Variants in NAPB observed in about 807,000 individuals in gnomAD.
NAPB encodes the protein beta-soluble NSF attachment protein.
A neutral mutation model predicts 44.7 loss-of-function variants in NAPB; 26 were observed. The ratio of observed to expected loss-of-function variants is 0.58; its 90% CI spans 0.43 to 0.81. The LOEUF (loss-of-function observed/expected upper bound fraction) is 0.81, where lower values mean the gene tolerates loss of function less well. Among genes scored for constraint, NAPB ranks in the 30% least tolerant of loss-of-function variants. NAPB has a pLI of 0.00. For missense variants in NAPB, 315 were observed against 356.4 expected (o/e 0.88, Z 0.94); for synonymous variants, 120 against 116.8 (o/e 1.03, Z -0.18).
chr20:23,409,090 T>C (rs1342089967), intron 1 of NAPB, among the ~76,000 whole-genome samples: 1 of 152,176 alleles, frequency 6.6e-6, no homozygotes, highest in African/African-American at 2.4e-5. Context: ...AACAGTATCA[T>C]TTATTTACCA....
At chr20:23,405,823 G>A (rs776507986) in intron 1 of NAPB, among the ~76,000 whole-genome samples, 4 of 152,196 alleles carry the variant, frequency 2.6e-5, no homozygotes, top group East Asian at 3.9e-4. Context: ...ATATTAATGC[G>A]CAATATGAGC....
chr20:23,409,401 A>C (rs1297291701), intron 1 of NAPB, among the ~76,000 whole-genome samples: 2 of 152,232 alleles, frequency 1.3e-5, no homozygotes, highest in East Asian at 1.9e-4. Context: ...AACTAGTTAG[A>C]CTTTATTTTG....
intron 1 of NAPB, among the ~76,000 whole-genome samples, chr20:23,418,781 CAAAAA>C (rs921452946): frequency 3.7e-4 from 45 of 120,506 alleles, no homozygotes; most frequent in Non-Finnish European, 6.9e-4. Flanking sequence ...ACTAAAAATA[CAAAAA>C]AAAAAAAAAA....
At chr20:23,394,812 C>T in intron 5 of NAPB, 110 bp downstream of exon 5, 1 of 1,081,676 alleles carries the variant, frequency 9.2e-7, no homozygotes, top group South Asian at 1.5e-5. Context: ...CAGGCAAGGC[C>T]ATCTATGACC....
intron 9 of NAPB, 92 bp downstream of exon 9, chr20:23,379,775 A>C (rs770455441): frequency 7.4e-5 from 70 of 944,570 alleles, no homozygotes; most frequent in Middle Eastern, 4.3e-4. Context: ...CAGACTTTAT[A>C]GATTAAAACT....
At chr20:23,419,691 G>A (rs980063330) in intron 1 of NAPB, among the ~76,000 whole-genome samples, 3 of 152,214 alleles carry the variant, frequency 2.0e-5, no homozygotes, top group African/African-American at 7.2e-5. Flanking sequence ...TGATGGTACT[G>A]TCATAACTTT....
intron 2 of NAPB, among the ~76,000 whole-genome samples, chr20:23,401,772 G>A (rs899299657): frequency 1.3e-5 from 2 of 152,114 alleles, no homozygotes; most frequent in East Asian, 1.9e-4. Flanking sequence ...TCCCAGCTAC[G>A]AGGGAGGCTG....
intron 7 of NAPB, among the ~76,000 whole-genome samples, chr20:23,384,060 T>C (rs888348818): frequency 5.9e-5 from 9 of 152,248 alleles, no homozygotes; most frequent in African/African-American, 2.2e-4. Flanking sequence ...AATCCACTTA[T>C]ATACGGATTT....
At chr20:23,412,522 A>T (rs1363250946) in intron 1 of NAPB, among the ~76,000 whole-genome samples, 3 of 152,252 alleles carry the variant, frequency 2.0e-5, no homozygotes, top group Non-Finnish European at 4.4e-5. Flanking sequence ...CCAAAAACAC[A>T]GTAGCCCCCT....
chr20:23,403,603 C>CAAAAAAAAAAAA (rs200464480), intron 1 of NAPB, among the ~76,000 whole-genome samples: 23 of 121,164 alleles, frequency 1.9e-4, no homozygotes, highest in African/African-American at 2.7e-4. Context: ...AACTATGTCT[C>CAAAAAAAAAAAA]AAAAAAAAAA....
rs760667024 is a variant in NAPB at position 23,421,278 on chromosome 20, C to T, written c.98+27G>A. ...GGCCAAGTACGGAGACCCCCCCCCC[C>T]CAGGGCACGCACGGTCTGGCGCTCA... is the stretch of plus-strand genomic sequence containing the variant. On this transcript the variant is annotated intron_variant, in intron 1 of 10. Transcript: ENST00000377026. The T allele has an allele frequency of 1.5e-5, 22 of 1,434,708 alleles. No individual in the cohort carries two copies. In the Admixed American group the frequency reaches 2.0e-4, roughly 13 times the overall value. The allele number at this position is 1,434,708 out of a possible 1,614,324, so 88.9% of individuals were successfully genotyped here. A position where few individuals can be genotyped will look rare whatever the true frequency, so the allele number is the denominator to read the frequency against.
At chr20:23,411,364 A>G (rs1985641541) in intron 1 of NAPB, among the ~76,000 whole-genome samples, 2 of 152,228 alleles carry the variant, frequency 1.3e-5, no homozygotes, top group Non-Finnish European at 2.9e-5. Context: ...TTCAACAGCA[A>G]TATACGGAGC....
chr20:23,418,644 A>G (rs1463672108), intron 1 of NAPB, among the ~76,000 whole-genome samples: 7 of 152,160 alleles, frequency 4.6e-5, no homozygotes, highest in Non-Finnish European at 8.8e-5. Context: ...TATTTCATTA[A>G]AAGATCAATG....
At chr20:23,407,931 T>C (rs953106122) in intron 1 of NAPB, among the ~76,000 whole-genome samples, 1 of 152,208 alleles carries the variant, frequency 6.6e-6, no homozygotes, top group Non-Finnish European at 1.5e-5. Flanking sequence ...TAGTCCGTAC[T>C]ATTTTAAAAC....
chr20:23,380,786 A>C, intron 8 of NAPB: 3 of 153,484 alleles, frequency 2.0e-5, no homozygotes, highest in Non-Finnish European at 4.4e-5. Flanking sequence ...TGGCCTCCCA[A>C]AATGCTGGGT....
chr20:23,377,438 T>G lies in NAPB; in HGVS notation c.835A>C (p.Met279Leu). The change falls in exon 11 of 11, where the codon ATG (methionine) becomes CTG (leucine). Residue 279 changes from methionine to leucine, a missense_variant. Physicochemically the swap from Met to Leu is conservative, Grantham distance 15. Coordinates refer to ENST00000377026, the MANE Select transcript of NAPB (RefSeq NM_022080.3). ...ATGGACTTTTTGATGCGAAGCAACA[T>G]GGTGGTCAGCCACTGATCCAAGCGA... ...ISRLDQWLTTMLLRIKKSIQG... is the reference protein window; with the variant it reads ...ISRLDQWLTTLLLRIKKSIQG... 1 of 1,608,220 alleles carries G rather than the reference T, an allele frequency of 6.2e-7. No individual in the cohort carries two copies. The highest frequency in any genetic ancestry group is 8.5e-7 in the Non-Finnish European group (1 of 1,175,996).
intron 2 of NAPB, among the ~76,000 whole-genome samples, chr20:23,402,015 A>T (rs6048784): frequency 0.57 from 86,296 of 152,216 alleles, 26,296 homozygotes; most frequent in East Asian, 0.88. Context: ...TGTTTTCTCC[A>T]CCATTTTAAA....
chr20:23,407,383 G>T (rs2253924), intron 1 of NAPB, among the ~76,000 whole-genome samples: 2 of 151,942 alleles, frequency 1.3e-5, no homozygotes, highest in Non-Finnish European at 2.9e-5. Flanking sequence ...TCCATATTAC[G>T]CAGCAACATA....
chr20:23,413,950 A>T (rs1272772747), intron 1 of NAPB, among the ~76,000 whole-genome samples: 1 of 152,232 alleles, frequency 6.6e-6, no homozygotes, highest in African/African-American at 2.4e-5. Context: ...GGCACCTGTA[A>T]CAGCAATACT....
Sources: gnomAD v4.1 joint callset for allele counts (sites outside exome capture counted in the v4.1 genomes callset) on GRCh38, gnomAD v4.1.1 for gene constraint, MANE v1.5 for transcripts, NCBI Gene and HGNC (gene_info 2026-07-23, HGNC 2026-07-21) for gene names.